Variants in TSHZ1 observed in about 807,000 individuals in gnomAD.
The protein encoded by TSHZ1 is teashirt zinc finger homeobox 1, also known as teashirt homolog 1.
A neutral mutation model predicts 67.1 loss-of-function variants in TSHZ1; 12 were observed. The observed-to-expected ratio is 0.18, with a 90% confidence interval of 0.11 to 0.29. The LOEUF (loss-of-function observed/expected upper bound fraction) is 0.29, where lower values mean the gene tolerates loss of function less well. Ranked by LOEUF, TSHZ1 falls within the 10% of genes least tolerant of loss-of-function variation. The pLI is 1.00. For missense variants in TSHZ1, 1,305 were observed against 1,413.9 expected, an observed-to-expected ratio of 0.92 and a Z score of 1.23; for synonymous variants, 632 against 622.4, an observed-to-expected ratio of 1.02 and a Z score of -0.23.
chr18:75,274,422 G>A (rs977116330), intron 1 of TSHZ1, among the ~76,000 whole-genome samples: 2 of 152,118 alleles, frequency 1.3e-5, no homozygotes, highest in African/African-American at 4.8e-5. Context: ...ACTATTTTCT[G>A]TGATTCAGTG....
At chr18:75,280,297 T>C (rs1176878835) in intron 1 of TSHZ1, among the ~76,000 whole-genome samples, 5 of 152,224 alleles carry the variant, frequency 3.3e-5, no homozygotes, top group African/African-American at 1.2e-4. Flanking sequence ...TATTAACTTC[T>C]TAGGCTAACT....
rs1161784091 is a variant in TSHZ1, at chr18:75,286,572, T to C, written c.1165T>C (p.Tyr389His). Reference sequence around the variant, plus strand: ...CAAGGATCAGAAAGCAGCGAACCCGTACGTCACGCCCAATAACCGCTATGG... The same window carrying C: ...CAAGGATCAGAAAGCAGCGAACCCGCACGTCACGCCCAATAACCGCTATGG... ...SAKDQKAANP[Y>H]VTPNNRYGYQ... Residue 389 changes from tyrosine (Y) to histidine (H), a missense_variant, in exon 2 of 2, where the codon TAC becomes CAC. Physicochemically the swap from Tyr to His is moderately conservative, Grantham distance 83. This residue lies in a region of TSHZ1 where 909 missense variants were observed against 961.8 expected (regional missense o/e 0.95). Coordinates refer to ENST00000580243, the MANE Select transcript of TSHZ1 (RefSeq NM_001308210.2). The surrounding 1 kb of genome is among the most constrained non-coding windows in gnomAD (Gnocchi z 5.1). 6.2e-7 allele frequency: 1 copy of C among 1,614,054 alleles called. No individual in the cohort carries two copies. Among genetic ancestry groups the C allele is most frequent in the Non-Finnish European group, 8.5e-7 (1 of 1,180,048 alleles).
chr18:75,273,675 A>G (rs1027607731), intron 1 of TSHZ1, among the ~76,000 whole-genome samples: 3 of 152,358 alleles, frequency 2.0e-5, no homozygotes, highest in Non-Finnish European at 4.4e-5. Context: ...AGGCTCTAAC[A>G]GGGACCGTAT....
At chr18:75,244,628 C>A (rs990360526) in intron 1 of TSHZ1, 1 of 152,276 alleles carries the variant, frequency 6.6e-6, no homozygotes, top group African/African-American at 2.4e-5. Flanking sequence ...GGATGGTGAG[C>A]CTTTCTTTGT....
intron 1 of TSHZ1, among the ~76,000 whole-genome samples, chr18:75,214,086 C>T (rs1160734288): frequency 6.6e-6 from 1 of 152,210 alleles, no homozygotes; most frequent in African/African-American, 2.4e-5. Flanking sequence ...ATTATCTCTA[C>T]TTTGATTCCA....
chr18:75,242,864 G>A (rs918764050), intron 1 of TSHZ1, among the ~76,000 whole-genome samples: 6 of 152,206 alleles, frequency 3.9e-5, no homozygotes, highest in Non-Finnish European at 7.3e-5. Context: ...CCTAATATCC[G>A]TGGGTCCTGA....
intron 1 of TSHZ1, among the ~76,000 whole-genome samples, chr18:75,240,611 G>A (rs2023143198): frequency 6.6e-6 from 1 of 152,110 alleles, no homozygotes; most frequent in African/African-American, 2.4e-5. Flanking sequence ...TTCTCTCCAC[G>A]TAGCAGCAGC....
chr18:75,286,266 T>A lies in TSHZ1; in HGVS notation c.859T>A (p.Ser287Thr), dbSNP rs1214005492. The stretch of plus-strand genomic sequence containing the variant: ...GGACTCCGAGAAGACCAAGAGGTGG[T>A]CCAAGCCCAGGAAGCGCTCCCTGAT... ...DKDSEKTKRWSKPRKRSLMEM... is the reference protein window; with the variant it reads ...DKDSEKTKRWTKPRKRSLMEM... The change falls in exon 2 of 2, where the codon TCC becomes ACC. Residue 287 changes from serine (S) to threonine (T), a missense_variant. By Grantham distance (58) the Ser-to-Thr change is moderately conservative (BLOSUM62 1). This residue lies in a region of TSHZ1 where 38 missense variants were observed against 76.5 expected (regional missense o/e 0.50). Coordinates refer to ENST00000580243, the MANE Select transcript of TSHZ1 (RefSeq NM_001308210.2). The surrounding 1 kb of genome is among the most constrained non-coding windows in gnomAD (Gnocchi z 5.1). 1 of 1,612,496 alleles carries A rather than the reference T, an allele frequency of 6.2e-7. No homozygotes were observed. Among genetic ancestry groups the A allele is most frequent in the East Asian group, 2.2e-5 (1 of 44,818 alleles).
At chr18:75,277,378 C>CTGTGGGG (rs1489606805) in intron 1 of TSHZ1, among the ~76,000 whole-genome samples, 1 of 152,158 alleles carries the variant, frequency 6.6e-6, no homozygotes, top group African/African-American at 2.4e-5. Flanking sequence ...TTCTGTGAGT[C>CTGTGGGG]TGTGGGGTGT....
In TSHZ1 at chr18:75,286,052, G is replaced by A. The variant is rs374602505; in HGVS notation, c.645G>A (p.Gly215=). Residue 215 remains glycine (G), a synonymous_variant, in exon 2 of 2, where the codon GGG becomes GGA. Coordinates refer to ENST00000580243, the MANE Select transcript of TSHZ1 (RefSeq NM_001308210.2). This position sits in a 1 kb window ranked among gnomAD's most constrained non-coding sequence, Gnocchi z 5.1. ...AKTLQQTSSY[G]LLPEPSLFST... is the part of the protein sequence containing the mutation. ...CGCTGCAGCAGACGTCCTCGTATGG[G>A]CTGCTTCCTGAGCCCAGCCTGTTCA... 1.4e-4 allele frequency: 233 copies of A among 1,613,240 alleles called. No individual in the cohort carries two copies. The highest frequency in any genetic ancestry group is 1.8e-4 in the Non-Finnish European group (215 of 1,179,784).
At chr18:75,249,488 G>C (rs1395892173) in intron 1 of TSHZ1, among the ~76,000 whole-genome samples, 1 of 146,684 alleles carries the variant, frequency 6.8e-6, no homozygotes, top group Non-Finnish European at 1.5e-5. Flanking sequence ...TGGTAGGGGG[G>C]AAGGGTAGGT....
Position 75,285,876 on chromosome 18 carries a change from A to ACCCCCCCCCCC in TSHZ1, c.474_475insCCCCCCCCCCC (p.Thr159ProfsTer107). ...CAGCCAGAAGGAGAGCTCCGCCCCCACCCCCACACCCCCCACCTGCCCCGT... is the reference window on the plus strand; with the variant it reads ...CAGCCAGAAGGAGAGCTCCGCCCCCACCCCCCCCCCCCCCCCACACCCCCCACCTGCCCCGT... On this transcript the variant is annotated frameshift_variant, in exon 2 of 2. Coordinates refer to ENST00000580243, the MANE Select transcript of TSHZ1 (RefSeq NM_001308210.2). LOFTEE classifies it high-confidence loss of function. The ACCCCCCCCCCC allele has an allele frequency of 2.0e-6, 1 of 496,202 alleles. No homozygotes were observed. Among genetic ancestry groups the ACCCCCCCCCCC allele is most frequent in the Non-Finnish European group, 2.7e-6 (1 of 363,844 alleles). The allele number at this position is 496,202 out of a possible 1,614,324, so 30.7% of individuals were successfully genotyped here.
chr18:75,251,493 G>GTTTTTTTTTTTTTT (rs3067027), intron 1 of TSHZ1, among the ~76,000 whole-genome samples: 1 of 139,430 alleles, frequency 7.2e-6, no homozygotes, highest in African/African-American at 2.6e-5. Flanking sequence ...TTTCTTTAGG[G>GTTTTTTTTTTTTTT]TTTTTTTTTT....
At chr18:75,269,911 G>A (rs979232814) in intron 1 of TSHZ1, among the ~76,000 whole-genome samples, 1 of 152,262 alleles carries the variant, frequency 6.6e-6, no homozygotes, top group Admixed American at 6.5e-5. Context: ...GGGCTTTGTA[G>A]CCATCCCATA....
chr18:75,275,915 T>C (rs1337815549), intron 1 of TSHZ1, among the ~76,000 whole-genome samples: 1 of 152,218 alleles, frequency 6.6e-6, no homozygotes, highest in Non-Finnish European at 1.5e-5. Flanking sequence ...GTTCTCACTT[T>C]ATTTTAACTT....
At chr18:75,228,029 A>C (rs1190996528) in intron 1 of TSHZ1, among the ~76,000 whole-genome samples, 1 of 152,246 alleles carries the variant, frequency 6.6e-6, no homozygotes, top group Non-Finnish European at 1.5e-5. Context: ...GTCATTTATC[A>C]TGGTGAATAT....
intron 1 of TSHZ1, among the ~76,000 whole-genome samples, chr18:75,231,958 G>C (rs1386866420): frequency 6.6e-6 from 1 of 151,874 alleles, no homozygotes; most frequent in Non-Finnish European, 1.5e-5. Context: ...ACCCAGGCTG[G>C]GGTTCAGTGG....
chr18:75,228,082 C>T (rs888401791), intron 1 of TSHZ1, among the ~76,000 whole-genome samples: 13 of 152,300 alleles, frequency 8.5e-5, no homozygotes, highest in Admixed American at 2.0e-4. Flanking sequence ...TGAGACACAG[C>T]CAGGGGAGGG....
At chr18:75,279,588 C>T (rs867098015) in intron 1 of TSHZ1, among the ~76,000 whole-genome samples, 1 of 152,044 alleles carries the variant, frequency 6.6e-6, no homozygotes, top group East Asian at 1.9e-4. Flanking sequence ...CGGTGGGAGG[C>T]GGCCACTGTG....
Sources: gnomAD v4.1 joint callset for allele counts (sites outside exome capture counted in the v4.1 genomes callset) on GRCh38, gnomAD v4.1.1 for gene constraint, gnomAD v4.1.1 regional missense constraint, Gnocchi (gnomAD v3.1) non-coding constraint, MANE v1.5 for transcripts, NCBI Gene and HGNC (gene_info 2026-07-23, HGNC 2026-07-21) for gene names.